The following CTNNBL1 variants were observed in gnomAD, a reference collection of about 807,000 sequenced individuals.
CTNNBL1 encodes beta-catenin-like protein 1.
Under a neutral mutation model 72.7 loss-of-function variants are expected in CTNNBL1, and 31 were observed. That is an observed-to-expected ratio of 0.43 (90% CI 0.32 to 0.58). The LOEUF (loss-of-function observed/expected upper bound fraction) is 0.58, where lower values mean the gene tolerates loss of function less well. CTNNBL1 is among the 20% of genes least tolerant of loss of function. The pLI is 0.08. For missense variants in CTNNBL1, 534 were observed against 725.1 expected (o/e 0.74, Z 3.03); for synonymous variants, 240 against 267.3 (o/e 0.90, Z 1.00).
At chr20:37,784,627 C>T (rs1284330977) in intron 10 of CTNNBL1, among the ~76,000 whole-genome samples, 1 of 152,218 alleles carries the variant, frequency 6.6e-6, no homozygotes, top group Non-Finnish European at 1.5e-5. Context: ...AAAAACTCTA[C>T]ACTTTAACTT....
At chr20:37,823,986 T>C (rs1042418719) in intron 11 of CTNNBL1, among the ~76,000 whole-genome samples, 4 of 152,180 alleles carry the variant, frequency 2.6e-5, no homozygotes, top group Non-Finnish European at 1.5e-5. Flanking sequence ...TTTTATGTGT[T>C]TAGTTGGGTG....
chr20:37,743,359 C>G (rs983175725), intron 3 of CTNNBL1, among the ~76,000 whole-genome samples: 1 of 151,842 alleles, frequency 6.6e-6, no homozygotes, highest in African/African-American at 2.4e-5. Flanking sequence ...TCTGCACCAG[C>G]CTTACTGAGT....
chr20:37,720,633 G>A (rs2073032369), intron 1 of CTNNBL1, among the ~76,000 whole-genome samples: 1 of 152,212 alleles, frequency 6.6e-6, no homozygotes, highest in South Asian at 2.1e-4. Flanking sequence ...GTCCAGCCAG[G>A]AGGGTCTGTT....
At chr20:37,767,237 A>G (rs1011689146) in intron 6 of CTNNBL1, among the ~76,000 whole-genome samples, 15 of 152,158 alleles carry the variant, frequency 9.9e-5, no homozygotes, top group Non-Finnish European at 1.9e-4. Context: ...ACCATTTGAT[A>G]TTAAGGACTC....
At chr20:37,836,038 AG>A (rs2072250797) in intron 11 of CTNNBL1, among the ~76,000 whole-genome samples, 1 of 152,202 alleles carries the variant, frequency 6.6e-6, no homozygotes, top group South Asian at 2.1e-4. Context: ...CTTTTCATGT[AG>A]TTTGATTTTT....
chr20:37,694,576 C>G (rs760107319), intron 1 of CTNNBL1, among the ~76,000 whole-genome samples: 14 of 152,308 alleles, frequency 9.2e-5, no homozygotes, highest in South Asian at 2.1e-4. Context: ...GTCATTCCCC[C>G]CCTCTTTGAA....
At chr20:37,720,297 G>A (rs530641006) in intron 1 of CTNNBL1, among the ~76,000 whole-genome samples, 1 of 152,048 alleles carries the variant, frequency 6.6e-6, no homozygotes, top group Non-Finnish European at 1.5e-5. Context: ...CAAAGTGCTG[G>A]GATTACAGGC....
At chr20:37,708,296 A>G (rs986642072) in intron 1 of CTNNBL1, among the ~76,000 whole-genome samples, 6 of 151,316 alleles carry the variant, frequency 4.0e-5, no homozygotes, top group Non-Finnish European at 8.8e-5. Context: ...GAGCAATCCC[A>G]GATTAGCTGG....
At chr20:37,694,640 G>T (rs1012422287) in intron 1 of CTNNBL1, among the ~76,000 whole-genome samples, 5 of 152,210 alleles carry the variant, frequency 3.3e-5, no homozygotes, top group African/African-American at 1.2e-4. Context: ...TAGTAGGGTT[G>T]TTTGAGGACT....
At chr20:37,797,255 G>T (rs1006395680) in intron 10 of CTNNBL1, among the ~76,000 whole-genome samples, 3 of 151,404 alleles carry the variant, frequency 2.0e-5, no homozygotes, top group Admixed American at 1.3e-4. Flanking sequence ...CATCATGCAC[G>T]TTGTAAAGCA....
chr20:37,724,367 A>AT (rs907943411), intron 1 of CTNNBL1, among the ~76,000 whole-genome samples: 14 of 150,718 alleles, frequency 9.3e-5, no homozygotes, highest in Admixed American at 2.0e-4. Flanking sequence ...GAAAAATGTA[A>AT]TTTTTTTTTT....
At chr20:37,813,863 C>T (rs931143643) in intron 11 of CTNNBL1, among the ~76,000 whole-genome samples, 1 of 152,186 alleles carries the variant, frequency 6.6e-6, no homozygotes, top group African/African-American at 2.4e-5. Context: ...AACTTAGGAA[C>T]TAGGCAATAA....
chr20:37,765,340 G>T, intron 6 of CTNNBL1, 50 bp downstream of exon 6: 1 of 1,200,248 alleles, frequency 8.3e-7, no homozygotes, highest in South Asian at 1.3e-5. Context: ...TGTTTGTTTT[G>T]GGACTCTGTG....
chr20:37,712,005 A>G (rs1016687590), intron 1 of CTNNBL1, among the ~76,000 whole-genome samples: 11 of 152,230 alleles, frequency 7.2e-5, no homozygotes, highest in African/African-American at 2.7e-4. Flanking sequence ...AGATGGCTTC[A>G]TCTACAGAGT....
intron 4 of CTNNBL1, among the ~76,000 whole-genome samples, chr20:37,754,177 A>G (rs893892084): frequency 2.0e-5 from 3 of 152,048 alleles, no homozygotes; most frequent in African/African-American, 7.2e-5. Flanking sequence ...TTAATCATGC[A>G]TGGTGTTATT....
At chr20:37,715,518 G>A (rs1193039563) in intron 1 of CTNNBL1, among the ~76,000 whole-genome samples, 3 of 152,096 alleles carry the variant, frequency 2.0e-5, no homozygotes, top group Non-Finnish European at 4.4e-5. Context: ...CTGTGACCTC[G>A]GTGCCTCCTA....
intron 11 of CTNNBL1, among the ~76,000 whole-genome samples, chr20:37,807,460 T>C (rs2071969768): frequency 1.3e-5 from 2 of 152,140 alleles, no homozygotes; most frequent in Non-Finnish European, 1.5e-5. Flanking sequence ...CCATGATAAC[T>C]GTGGGCAAAT....
At chr20:37,721,678 T>C (rs2073041437) in intron 1 of CTNNBL1, among the ~76,000 whole-genome samples, 1 of 152,266 alleles carries the variant, frequency 6.6e-6, no homozygotes, top group African/African-American at 2.4e-5. Flanking sequence ...AGTTTCTCTC[T>C]TAACCTCCTT....
chr20:37,775,147 C>A (rs888518186), intron 7 of CTNNBL1, among the ~76,000 whole-genome samples: 1 of 152,070 alleles, frequency 6.6e-6, no homozygotes, highest in African/African-American at 2.4e-5. Flanking sequence ...TATGTCCTTA[C>A]AATTTATTAG....
Sources: allele counts gnomAD v4.1 joint callset (sites outside exome capture counted in the v4.1 genomes callset), GRCh38; gene constraint gnomAD v4.1.1; transcripts MANE v1.5; gene names NCBI Gene and HGNC (gene_info 2026-07-23, HGNC 2026-07-21).